Variants in IMMP2L observed in about 807,000 individuals in gnomAD.
IMMP2L encodes inner mitochondrial membrane peptidase subunit 2, also known as mitochondrial inner membrane protease subunit 2.
Under a neutral mutation model 19.3 loss-of-function variants are expected in IMMP2L, and 18 were observed. That is an observed-to-expected ratio of 0.93 (90% CI 0.64 to 1.38). The LOEUF is 1.38. IMMP2L is among the 40% of genes most tolerant of loss of function. The pLI, the probability that IMMP2L is intolerant of heterozygous loss-of-function variation, is 0.00. For synonymous variants in IMMP2L, 76 were observed against 73.0 expected, an observed-to-expected ratio of 1.04 and a Z score of -0.21; for missense variants, 233 against 218.2, an observed-to-expected ratio of 1.07 and a Z score of -0.43.
chr7:110,770,032 T>G (rs569043332), intron 5 of IMMP2L, among the ~76,000 whole-genome samples: 1 of 152,260 alleles, frequency 6.6e-6, no homozygotes, highest in African/African-American at 2.4e-5. Flanking sequence ...TATGCATTCA[T>G]ACAAACAGAG....
At chr7:111,313,510 G>A (rs1823730682) in intron 3 of IMMP2L, among the ~76,000 whole-genome samples, 1 of 151,986 alleles carries the variant, frequency 6.6e-6, no homozygotes, top group African/African-American at 2.4e-5. Flanking sequence ...TATGTTTTAT[G>A]GTATAATAAT....
intron 3 of IMMP2L, among the ~76,000 whole-genome samples, chr7:111,053,957 A>C (rs777893904): frequency 4.6e-5 from 7 of 152,200 alleles, no homozygotes; most frequent in Non-Finnish European, 1.0e-4. Context: ...GGTAATAAAA[A>C]AACAATTCAT....
At chr7:111,454,577 C>A (rs928705389) in intron 3 of IMMP2L, among the ~76,000 whole-genome samples, 1 of 151,254 alleles carries the variant, frequency 6.6e-6, no homozygotes, top group African/African-American at 2.4e-5. Flanking sequence ...TGTATCATTT[C>A]AAAAAAAATT....
At chr7:111,041,568 T>C (rs1208252918) in intron 3 of IMMP2L, among the ~76,000 whole-genome samples, 2 of 151,494 alleles carry the variant, frequency 1.3e-5, no homozygotes. Flanking sequence ...AGCGTTTTCC[T>C]GAATCTGTTC....
intron 5 of IMMP2L, among the ~76,000 whole-genome samples, chr7:110,673,230 A>G (rs1792046353): frequency 6.6e-6 from 1 of 152,198 alleles, no homozygotes; most frequent in East Asian, 1.9e-4. Context: ...CTCCGAAGCA[A>G]TGGTCTGAGC....
chr7:111,459,565 A>G lies in IMMP2L; in HGVS notation c.239+27673T>C, dbSNP rs35050577. 1.1e-3 allele frequency among the ~76,000 whole-genome samples: 164 copies of G among 152,242 alleles called. 8 individuals carry two copies. The East Asian group carries it at 0.03, about 28-fold the overall frequency. On this transcript the variant is annotated intron_variant, in intron 3 of 5. Coordinates refer to ENST00000405709, the MANE Select transcript of IMMP2L (RefSeq NM_032549.4). Reference sequence around the variant, plus strand: ...ACTATATTTACTTACTCCCCCTTTAAGAGTAAACATGTCACTGCTTTGAGC... The same window carrying G: ...ACTATATTTACTTACTCCCCCTTTAGGAGTAAACATGTCACTGCTTTGAGC...
At chr7:111,125,988 A>C (rs1390777034) in intron 3 of IMMP2L, among the ~76,000 whole-genome samples, 1 of 151,634 alleles carries the variant, frequency 6.6e-6, no homozygotes, top group African/African-American at 2.4e-5. Context: ...ATCTCCGGCT[A>C]ATTTTTGTAT....
At chr7:110,874,964 G>A (rs148195530) in intron 5 of IMMP2L, among the ~76,000 whole-genome samples, 1 of 152,128 alleles carries the variant, frequency 6.6e-6, no homozygotes, top group East Asian at 1.9e-4. Flanking sequence ...AAAGGGGACT[G>A]AAGTCACCCT....
intron 5 of IMMP2L, among the ~76,000 whole-genome samples, chr7:110,814,046 G>A (rs1334192701): frequency 6.6e-6 from 1 of 151,904 alleles, no homozygotes; most frequent in Non-Finnish European, 1.5e-5. Flanking sequence ...AATTCCCAAT[G>A]AAACAGAGAA....
chr7:111,335,308 CT>C (rs1826288707), intron 3 of IMMP2L, among the ~76,000 whole-genome samples: 1 of 152,032 alleles, frequency 6.6e-6, no homozygotes, highest in Non-Finnish European at 1.5e-5. Flanking sequence ...AAATATCTCT[CT>C]GTTATTATAA....
chr7:110,845,532 A>G (rs73419250), intron 5 of IMMP2L, among the ~76,000 whole-genome samples: 8,130 of 152,226 alleles, frequency 0.053, 709 homozygotes, highest in African/African-American at 0.18. Flanking sequence ...TTTATCAGCT[A>G]TATTTACACT....
chr7:111,530,316 G>A (rs991245789), intron 1 of IMMP2L, among the ~76,000 whole-genome samples: 1 of 152,124 alleles, frequency 6.6e-6, no homozygotes, highest in Non-Finnish European at 1.5e-5. Context: ...CTATGTCTAA[G>A]GAAGAGGACT....
intron 3 of IMMP2L, among the ~76,000 whole-genome samples, chr7:111,264,151 T>C (rs1051977432): frequency 6.6e-6 from 1 of 152,092 alleles, no homozygotes. Context: ...TAAAATGAAA[T>C]TTAAACACAT....
chr7:111,447,647 A>G (rs1481727829), intron 3 of IMMP2L, among the ~76,000 whole-genome samples: 2 of 152,006 alleles, frequency 1.3e-5, no homozygotes, highest in Non-Finnish European at 1.5e-5. Context: ...AAACTGCATC[A>G]ACTAAGGAAC....
At chr7:111,407,942 T>A (rs112821971) in intron 3 of IMMP2L, among the ~76,000 whole-genome samples, 3,160 of 152,134 alleles carry the variant, frequency 0.021, 113 homozygotes, top group African/African-American at 0.072. Flanking sequence ...AGTGCTTCAT[T>A]TGTATTAACT....
At chr7:110,671,791 C>T (rs1405843971) in intron 5 of IMMP2L, among the ~76,000 whole-genome samples, 1 of 152,034 alleles carries the variant, frequency 6.6e-6, no homozygotes, top group East Asian at 1.9e-4. Context: ...TAAGGACAAG[C>T]AAATGCAAAA....
chr7:111,512,303 C>T (rs1403299017), intron 2 of IMMP2L, among the ~76,000 whole-genome samples: 2 of 151,954 alleles, frequency 1.3e-5, no homozygotes, highest in Non-Finnish European at 2.9e-5. Context: ...GTTCTATTTA[C>T]AGGAAAGGTT....
In IMMP2L at chr7:111,539,072, C is replaced by T. The variant is rs541996596; in HGVS notation, c.-2-17623G>A. ...GAGACGGAGGTTGCAGTGAGCAGAT[C>T]ATGCCACTGCACTCCAGCCTTGGCG... On this transcript the variant is annotated intron_variant, in intron 1 of 5. Coordinates refer to ENST00000405709, the MANE Select transcript of IMMP2L (RefSeq NM_032549.4). Among the ~76,000 whole-genome samples, 15 of 149,270 alleles carry T rather than the reference C, an allele frequency of 1.0e-4. No homozygotes were observed. In the East Asian group the frequency reaches 1.4e-3, roughly 14 times the overall value.
At chr7:111,505,027 C>G (rs1294910470) in intron 2 of IMMP2L, among the ~76,000 whole-genome samples, 11 of 151,932 alleles carry the variant, frequency 7.2e-5, no homozygotes, top group Non-Finnish European at 1.2e-4. Context: ...CCATCAGAGT[C>G]AACAGGCAAC....
Sources: gnomAD v4.1 joint callset for allele counts (sites outside exome capture counted in the v4.1 genomes callset) on GRCh38, gnomAD v4.1.1 for gene constraint, MANE v1.5 for transcripts, NCBI Gene and HGNC (gene_info 2026-07-23, HGNC 2026-07-21) for gene names.